PHF14: variants seen among roughly 807,000 people sequenced by gnomAD.
PHF14 encodes the protein PHD finger protein 14.
Under a neutral mutation model 117.9 loss-of-function variants are expected in PHF14, and 55 were observed. The observed-to-expected ratio is 0.47, with a 90% CI of 0.38 to 0.58. PHF14 has a LOEUF of 0.58. Ranked by LOEUF, PHF14 falls within the 20% of genes least tolerant of loss-of-function variation. PHF14 has a pLI of 0.00. For synonymous variants in PHF14, 409 were observed against 368.6 expected, an observed-to-expected ratio of 1.11 and a Z score of -1.26; for missense variants, 978 against 1,122.2, an observed-to-expected ratio of 0.87 and a Z score of 1.84.
At chr7:11,068,203 T>C (rs1252131074) in intron 16 of PHF14, among the ~76,000 whole-genome samples, 1 of 151,422 alleles carries the variant, frequency 6.6e-6, no homozygotes, top group Admixed American at 6.6e-5. Context: ...TACAAAAAAT[T>C]AGTCTGGCAT....
At position 11,028,720 on chromosome 7, in the gene PHF14, G is replaced by T. The variant is rs1784014681; in HGVS notation, c.1357G>T (p.Gly453Trp). The T allele has an allele frequency of 6.2e-7, 1 of 1,613,632 alleles. No homozygotes were observed. The highest frequency in any genetic ancestry group is 1.3e-5 in the African/African-American group (1 of 75,020). ...FCEDPRFARTGVCISCDAGMC... is the reference protein window; with the variant it reads ...FCEDPRFARTWVCISCDAGMC... The stretch of plus-strand genomic sequence containing the variant: ...TGAAGACCCTCGCTTTGCTAGAACT[G>T]GGGTTTGCATTAGCTGTGATGCAGG... Residue 453 changes from glycine to tryptophan, a missense_variant, in exon 7 of 18, where the codon GGG becomes TGG. Coordinates refer to ENST00000634607, the MANE Select transcript of PHF14 (RefSeq NM_001007157.2).
chr7:11,002,889 A>G (rs1294868612), intron 4 of PHF14, among the ~76,000 whole-genome samples: 1 of 152,168 alleles, frequency 6.6e-6, no homozygotes, highest in African/African-American at 2.4e-5. Context: ...CTTGGGTAGT[A>G]TCTGCTAAAG....
chr7:11,096,731 A>G (rs2128340099), intron 16 of PHF14, among the ~76,000 whole-genome samples: 1 of 152,320 alleles, frequency 6.6e-6, no homozygotes, highest in Non-Finnish European at 1.5e-5. Context: ...TAGCCATTCA[A>G]AAAGAACTCA....
intron 13 of PHF14, among the ~76,000 whole-genome samples, chr7:11,047,335 T>C (rs1784703708): frequency 6.6e-6 from 1 of 152,010 alleles, no homozygotes; most frequent in African/African-American, 2.4e-5. Context: ...CCCAAAGTGC[T>C]GGATTACAGG....
intron 4 of PHF14, among the ~76,000 whole-genome samples, chr7:10,991,291 C>T (rs1246486039): frequency 6.6e-6 from 1 of 152,292 alleles, no homozygotes; most frequent in South Asian, 2.1e-4. Flanking sequence ...AACTATTCTG[C>T]CTCAGCCTCT....
At chr7:11,006,647 G>A (rs913799518) in intron 4 of PHF14, 6 of 617,176 alleles carry the variant, frequency 9.7e-6, no homozygotes, top group Non-Finnish European at 1.8e-5. Flanking sequence ...ACTTGATGAT[G>A]GTATAGTAGT....
chr7:11,054,033 A>C (rs1336123862), intron 14 of PHF14, among the ~76,000 whole-genome samples: 2 of 152,116 alleles, frequency 1.3e-5, no homozygotes, highest in Non-Finnish European at 2.9e-5. Context: ...CAAAAAAAAA[A>C]AATCCTAATA....
chr7:11,123,952 T>C (rs1273429685), intron 17 of PHF14, among the ~76,000 whole-genome samples: 1 of 151,790 alleles, frequency 6.6e-6, no homozygotes, highest in Non-Finnish European at 1.5e-5. Flanking sequence ...TAATTCAAAA[T>C]AGGAATTTTG....
Position 11,103,372 on chromosome 7 carries a change from TAAG to T in PHF14, c.2655-7977_2655-7975del. The stretch of plus-strand genomic sequence containing the variant: ...CAACCTTAAATATGAACTTAGGAAA[TAAG>T]GAGGGAAGTACAAAGATTATTGACT... On this transcript the variant is annotated intron_variant, in intron 16 of 17. Coordinates refer to ENST00000634607, the MANE Select transcript of PHF14 (RefSeq NM_001007157.2). 4.1e-6 allele frequency: 4 copies of T among 967,372 alleles called. 1 individual carries two copies. The South Asian group carries it at 1.4e-4, about 35-fold the overall frequency. The allele number at this position is 967,372 out of a possible 1,614,324, so 59.9% of individuals were successfully genotyped here. A position where few individuals can be genotyped will look rare whatever the true frequency, so the allele number is the denominator to read the frequency against.
In PHF14 at chr7:11,130,703, T is replaced by C. The variant is rs2128348633; in HGVS notation, c.2772+19236T>C. 6.6e-6 allele frequency among the ~76,000 whole-genome samples: 1 copy of C among 152,098 alleles called. No individual in the cohort carries two copies. The highest frequency in any genetic ancestry group is 1.9e-4 in the East Asian group (1 of 5,176). On this transcript the variant is annotated intron_variant, in intron 17 of 17. Coordinates refer to ENST00000634607, the MANE Select transcript of PHF14 (RefSeq NM_001007157.2). The surrounding 1 kb of genome is among the most constrained non-coding windows in gnomAD (Gnocchi z 4.2). Reference sequence around the variant, plus strand: ...TAACTAAAGTTTGTTGTTTACATTATAACTTATTTTTTGTGTGGTACATTC... The same window carrying C: ...TAACTAAAGTTTGTTGTTTACATTACAACTTATTTTTTGTGTGGTACATTC...
chr7:11,044,272 A>G (rs918307266), intron 13 of PHF14, among the ~76,000 whole-genome samples: 1 of 152,066 alleles, frequency 6.6e-6, no homozygotes, highest in Non-Finnish European at 1.5e-5. Context: ...CATGCAGTAT[A>G]CCCATGTAAC....
chr7:11,063,242 G>T, intron 16 of PHF14: 1 of 984,924 alleles, frequency 1.0e-6, no homozygotes, highest in Non-Finnish European at 1.2e-6. Context: ...CATGTAGAGT[G>T]TGTTGGGAGC....
chr7:11,083,730 G>T (rs1224245929), intron 16 of PHF14, among the ~76,000 whole-genome samples: 1 of 152,000 alleles, frequency 6.6e-6, no homozygotes. Context: ...AAAGTGCTAG[G>T]AGTACAGGTG....
chr7:11,002,376 C>T lies in PHF14; in HGVS notation c.1046-11371C>T, dbSNP rs536030809. ...GAGCAATGTAGAATGAAGTATGGTTCCTGGTATAAGGCAAATATCAGGTTG... is the reference window on the plus strand; with the variant it reads ...GAGCAATGTAGAATGAAGTATGGTTTCTGGTATAAGGCAAATATCAGGTTG... On this transcript the variant is annotated intron_variant, in intron 4 of 17. Coordinates refer to ENST00000634607, the MANE Select transcript of PHF14 (RefSeq NM_001007157.2). Among the ~76,000 whole-genome samples the T allele has an allele frequency of 5.3e-5, 8 of 151,742 alleles. No individual in the cohort carries two copies. In the East Asian group the frequency reaches 1.6e-3, roughly 30 times the overall value.
chr7:11,129,465 T>C (rs1341530838), intron 17 of PHF14, among the ~76,000 whole-genome samples: 1 of 151,906 alleles, frequency 6.6e-6, no homozygotes, highest in Non-Finnish European at 1.5e-5. Flanking sequence ...AAGTAAGTTG[T>C]CTCCTTCAGA....
intron 16 of PHF14, among the ~76,000 whole-genome samples, chr7:11,071,454 G>C (rs967981209): frequency 1.3e-5 from 2 of 152,144 alleles, no homozygotes; most frequent in African/African-American, 4.8e-5. Context: ...TAGAAAATAA[G>C]TCAGTTTAAA....
chr7:11,056,994 A>G (rs1422705531), intron 14 of PHF14, among the ~76,000 whole-genome samples: 1 of 152,024 alleles, frequency 6.6e-6, no homozygotes, highest in African/African-American at 2.4e-5. Flanking sequence ...GCCCATGAAT[A>G]AGCATGTTCT....
chr7:11,094,857 G>A (rs1040011049), intron 16 of PHF14, among the ~76,000 whole-genome samples: 2 of 152,092 alleles, frequency 1.3e-5, no homozygotes, highest in Non-Finnish European at 2.9e-5. Flanking sequence ...TTGTATTTCA[G>A]GCCACTTGGT....
chr7:11,020,814 T>C (rs1294155705), intron 5 of PHF14, among the ~76,000 whole-genome samples: 2 of 152,228 alleles, frequency 1.3e-5, no homozygotes, highest in Non-Finnish European at 2.9e-5. Flanking sequence ...AACCTCCTAC[T>C]CAACAGAAGC....
Sources: gnomAD v4.1 joint callset for allele counts (sites outside exome capture counted in the v4.1 genomes callset) on GRCh38, gnomAD v4.1.1 for gene constraint, Gnocchi (gnomAD v3.1) non-coding constraint, MANE v1.5 for transcripts, NCBI Gene and HGNC (gene_info 2026-07-23, HGNC 2026-07-21) for gene names.